The following DNAH12 variants were observed in gnomAD, a reference collection of about 807,000 sequenced individuals.
The protein encoded by DNAH12 is dynein axonemal heavy chain 12.
Under a neutral mutation model 371.5 loss-of-function variants are expected in DNAH12, and 285 were observed. The ratio of observed to expected loss-of-function variants is 0.77; its 90% CI spans 0.70 to 0.85. DNAH12 has a LOEUF of 0.85. Among genes scored for constraint, DNAH12 ranks in the 40% least tolerant of loss-of-function variants. The pLI is 0.00. For missense variants in DNAH12, 3,611 were observed against 3,689.4 expected (o/e 0.98, Z 0.55); for synonymous variants, 1,200 against 1,213.0 (o/e 0.99, Z 0.22).
chr3:57,390,921 C>T (rs2063609464), intron 45 of DNAH12, among the ~76,000 whole-genome samples: 1 of 152,084 alleles, frequency 6.6e-6, no homozygotes, highest in African/African-American at 2.4e-5. Context: ...CTGGGAATAC[C>T]TTGCCAATGT....
At chr3:57,446,395 CAAT>C (rs2065497470) in intron 26 of DNAH12, 125 bp from the exon 27 acceptor site, 10 of 1,423,940 alleles carry the variant, frequency 7.0e-6, no homozygotes, top group Non-Finnish European at 9.3e-6. Flanking sequence ...AGGATAAAAA[CAAT>C]GTCTTTACTC....
intron 69 of DNAH12, among the ~76,000 whole-genome samples, chr3:57,302,569 T>TTA: frequency 1.8e-5 from 1 of 54,434 alleles, no homozygotes; most frequent in African/African-American, 1.3e-4. Context: ...ATATATGTAT[T>TTA]TTTTTTTTTT....
chr3:57,339,253 G>A (rs1208592410), intron 60 of DNAH12, among the ~76,000 whole-genome samples: 1 of 152,058 alleles, frequency 6.6e-6, no homozygotes, highest in African/African-American at 2.4e-5. Context: ...AGGCCGCAGG[G>A]TCCTCTGCCT....
In DNAH12 at chr3:57,405,143, G is replaced by C. The variant is rs2063985462; in HGVS notation, c.6581C>G (p.Thr2194Ser). ...CATGAGATTTCTTAAGTCTTCTTCA[G>C]TTACCTATAGAAAGGAAATCAACAA... ...SHLRKQNAPV[T>S]EEDLRNLMFG... The change falls in exon 42 of 74, where the codon ACT becomes AGT. Residue 2194 changes from threonine to serine, a missense_variant. Transcript: ENST00000495027. 4 of 1,520,040 alleles carry C rather than the reference G, an allele frequency of 2.6e-6. No homozygotes were observed. Among genetic ancestry groups the C allele is most frequent in the Non-Finnish European group, 3.5e-6 (4 of 1,138,470 alleles). 94.2% of individuals were successfully genotyped at this position (1,520,040 alleles called of 1,614,324 possible).
intron 11 of DNAH12, among the ~76,000 whole-genome samples, chr3:57,499,613 A>C (rs1452550523): frequency 3.4e-5 from 4 of 116,102 alleles, no homozygotes; most frequent in Admixed American, 9.5e-5. Flanking sequence ...GGGAAACATA[A>C]GGAGACACCA....
chr3:57,418,578 C>G (rs1414660318), intron 37 of DNAH12, among the ~76,000 whole-genome samples: 1 of 150,978 alleles, frequency 6.6e-6, no homozygotes, highest in Non-Finnish European at 1.5e-5. Context: ...AGAAATGTCA[C>G]AGAATTGGCA....
Position 57,408,278 on chromosome 3 carries a change from A to G in DNAH12, c.6276+2T>C, listed in dbSNP as rs951207407. ...AACATTTACATTGCATTATTGACTG[A>G]CCTCCATAGTCCCATTGACTATCTG... is the stretch of plus-strand genomic sequence containing the variant. On this transcript the variant is annotated splice_donor_variant, in intron 40 of 73. Transcript: ENST00000495027. LOFTEE classifies it high-confidence loss of function. The G allele has an allele frequency of 6.5e-7, 1 of 1,536,068 alleles. No homozygotes were observed. Among genetic ancestry groups the G allele is most frequent in the Non-Finnish European group, 8.8e-7 (1 of 1,140,554 alleles).
intron 30 of DNAH12, among the ~76,000 whole-genome samples, chr3:57,435,233 G>T (rs1359491750): frequency 4.0e-5 from 6 of 151,870 alleles, no homozygotes; most frequent in Admixed American, 1.3e-4. Context: ...TTAGCTGGGC[G>T]TGATGGCATG....
chr3:57,323,920 C>G (rs2061869927), intron 62 of DNAH12, among the ~76,000 whole-genome samples: 2 of 152,140 alleles, frequency 1.3e-5, no homozygotes, highest in Admixed American at 6.5e-5. Context: ...TGCATATTGT[C>G]CCACTTATTT....
At chr3:57,383,529 T>A (rs1312000136) in intron 49 of DNAH12, among the ~76,000 whole-genome samples, 1 of 151,292 alleles carries the variant, frequency 6.6e-6, no homozygotes, top group Non-Finnish European at 1.5e-5. Flanking sequence ...GTAGCTGCTG[T>A]AATAAATCTC....
intron 44 of DNAH12, among the ~76,000 whole-genome samples, chr3:57,393,666 GAAAA>G (rs2063677749): frequency 2.6e-4 from 33 of 126,094 alleles, no homozygotes; most frequent in Non-Finnish European, 6.5e-5. Flanking sequence ...GAAAGAAAAA[GAAAA>G]AGAAAAAGAA....
Position 57,405,658 on chromosome 3 carries a change from C to A in DNAH12, c.6571G>T (p.Ala2191Ser), listed in dbSNP as rs1553680862. The A allele has an allele frequency of 1.3e-6, 2 of 1,550,230 alleles. No individual in the cohort carries two copies. Among genetic ancestry groups the A allele is most frequent in the South Asian group, 2.4e-5 (2 of 83,946 alleles). ...SIFSHLRKQN[A>S]PVTEEDLRNL... ...TTCTTAATCGCCATACTCACTGGTG[C>A]ATTTTGTTTCCTCAAATGTGAAAAG... The change falls in exon 41 of 74, where the codon GCA becomes TCA. Residue 2191 changes from alanine (A) to serine (S), a missense_variant. By Grantham distance (99) the Ala-to-Ser change is moderately conservative. This residue lies in a region of DNAH12 where 2,266 missense variants were observed against 2,236.9 expected (regional missense o/e 1.01). Coordinates refer to ENST00000495027, the MANE Select transcript of DNAH12 (RefSeq NM_001366028.2).
intron 13 of DNAH12, among the ~76,000 whole-genome samples, chr3:57,480,794 T>G (rs1397914288): frequency 1.3e-5 from 2 of 152,170 alleles, no homozygotes. Flanking sequence ...TCATCCAGCA[T>G]ATAAACAGAA....
In DNAH12 at chr3:57,458,231, C is replaced by A; in HGVS notation, c.2932-11G>T. ...AGTGGCAGCAAGAACCTAAACGAGA[C>A]ACATGCATTCAAGTCAGCACTTTTA... On this transcript the variant is annotated splice_polypyrimidine_tract_variant and intron_variant, in intron 20 of 73. Transcript: ENST00000495027. 1 of 1,537,648 alleles carries A rather than the reference C, an allele frequency of 6.5e-7. No homozygotes were observed. Among genetic ancestry groups the A allele is most frequent in the Non-Finnish European group, 8.7e-7 (1 of 1,143,450 alleles).
At chr3:57,356,967 T>C (rs2062815570) in intron 59 of DNAH12, among the ~76,000 whole-genome samples, 1 of 152,080 alleles carries the variant, frequency 6.6e-6, no homozygotes, top group South Asian at 2.1e-4. Flanking sequence ...GGTCTCGAAC[T>C]CCTGACCTCA....
chr3:57,395,430 A>T (rs1279081925), intron 43 of DNAH12, among the ~76,000 whole-genome samples: 4 of 152,184 alleles, frequency 2.6e-5, no homozygotes, highest in Non-Finnish European at 4.4e-5. Context: ...TGTATTTTAA[A>T]TCATTAAATA....
chr3:57,543,225 T>A (rs974185885), intron 1 of DNAH12, among the ~76,000 whole-genome samples: 1 of 150,738 alleles, frequency 6.6e-6, no homozygotes, highest in Non-Finnish European at 1.5e-5. Flanking sequence ...TTTCCCGAGA[T>A]GCAAACCACT....
At chr3:57,345,270 A>T (rs1523103) in intron 60 of DNAH12, among the ~76,000 whole-genome samples, 49,386 of 151,930 alleles carry the variant, frequency 0.33, 8,845 homozygotes, top group African/African-American at 0.46. Context: ...TTTCTTGTAA[A>T]GTAATGACTC....
intron 62 of DNAH12, among the ~76,000 whole-genome samples, chr3:57,333,961 T>A (rs922997356): frequency 6.6e-6 from 1 of 152,078 alleles, no homozygotes; most frequent in Non-Finnish European, 1.5e-5. Flanking sequence ...TTCAACTATT[T>A]AAAAGAAAAT....
Sources: gnomAD v4.1 joint callset for allele counts (sites outside exome capture counted in the v4.1 genomes callset) on GRCh38, gnomAD v4.1.1 for gene constraint, gnomAD v4.1.1 regional missense constraint, MANE v1.5 for transcripts, NCBI Gene and HGNC (gene_info 2026-07-23, HGNC 2026-07-21) for gene names.